Variants in LPP observed in about 807,000 individuals in gnomAD.
LPP encodes the protein LIM domain containing preferred translocation partner in lipoma, also known as lipoma-preferred partner.
In LPP, 38 loss-of-function variants were observed where a neutral mutation model predicts 60.4. The observed-to-expected ratio is 0.63, with a 90% CI of 0.49 to 0.83. LPP has a LOEUF of 0.83. Ranked by LOEUF, LPP falls within the 40% of genes least tolerant of loss-of-function variation. The probability of loss-of-function intolerance (pLI) is 0.00; values close to 1 mark genes in which losing one functional copy is unlikely to be tolerated. For synonymous variants in LPP, 328 were observed against 290.8 expected, an observed-to-expected ratio of 1.13 and a Z score of -1.30; for missense variants, 902 against 783.6, an observed-to-expected ratio of 1.15 and a Z score of -1.80.
intron 3 of LPP, among the ~76,000 whole-genome samples, chr3:188,374,062 C>T (rs1476056694): frequency 6.6e-6 from 1 of 151,966 alleles, no homozygotes; most frequent in East Asian, 1.9e-4. Flanking sequence ...GTTCCATTGG[C>T]CTATATCTCT....
At chr3:188,667,604 T>C (rs1408895651) in intron 7 of LPP, among the ~76,000 whole-genome samples, 1 of 150,876 alleles carries the variant, frequency 6.6e-6, no homozygotes, top group African/African-American at 2.4e-5. Flanking sequence ...GGCTTAGAAA[T>C]GCTATGAAGC....
At chr3:188,570,344 C>A (rs544246815) in intron 6 of LPP, among the ~76,000 whole-genome samples, 2 of 152,094 alleles carry the variant, frequency 1.3e-5, no homozygotes, top group South Asian at 4.1e-4. Flanking sequence ...CTTCTCTCTC[C>A]TGGAAGTCAT....
chr3:188,592,345 C>T (rs897136832), intron 6 of LPP, among the ~76,000 whole-genome samples: 2 of 151,720 alleles, frequency 1.3e-5, no homozygotes, highest in South Asian at 2.1e-4. Flanking sequence ...AAAACACACA[C>T]GCACACAGTC....
rs150135689 is a variant in LPP, at chr3:188,876,298, G to A, written c.*1819G>A. 7 of 189,538 alleles carry A rather than the reference G, an allele frequency of 3.7e-5. No individual in the cohort carries two copies. Among genetic ancestry groups the A allele is most frequent in the East Asian group, 2.5e-4 (3 of 11,770 alleles). 11.7% of individuals were successfully genotyped at this position (189,538 alleles called of 1,614,324 possible). A position where few individuals can be genotyped will look rare whatever the true frequency, so the allele number is the denominator to read the frequency against. On this transcript the variant is annotated 3_prime_UTR_variant, in exon 12 of 12. Transcript: ENST00000617246. Reference sequence around the variant, plus strand: ...TTTTGTGACTAGAAATTCTTAAGCCGATGGTCACTATAGCTCATCCTTAAT... The same window carrying A: ...TTTTGTGACTAGAAATTCTTAAGCCAATGGTCACTATAGCTCATCCTTAAT...
intron 10 of LPP, among the ~76,000 whole-genome samples, chr3:188,867,420 C>T (rs961147460): frequency 6.6e-6 from 1 of 151,876 alleles, no homozygotes; most frequent in Non-Finnish European, 1.5e-5. Context: ...TCTCAGCTCA[C>T]TGCAACCTCT....
intron 4 of LPP, among the ~76,000 whole-genome samples, chr3:188,477,064 T>C (rs1233994679): frequency 6.6e-6 from 1 of 152,198 alleles, no homozygotes. Context: ...AGGTCTGTGA[T>C]CCCACTGACA....
chr3:188,866,911 T>C (rs979298765), intron 10 of LPP, among the ~76,000 whole-genome samples: 3 of 152,226 alleles, frequency 2.0e-5, no homozygotes, highest in Non-Finnish European at 2.9e-5. Context: ...GCCTCTCACA[T>C]ATTCAAAGGC....
At chr3:188,846,776 G>A (rs1761548707) in intron 9 of LPP, among the ~76,000 whole-genome samples, 1 of 152,062 alleles carries the variant, frequency 6.6e-6, no homozygotes, top group South Asian at 2.1e-4. Context: ...GGTACCATAG[G>A]GGAATGACTG....
At chr3:188,311,042 T>C (rs1282292194) in intron 2 of LPP, among the ~76,000 whole-genome samples, 1 of 152,202 alleles carries the variant, frequency 6.6e-6, no homozygotes, top group African/African-American at 2.4e-5. Context: ...AAGTCGAAGA[T>C]ATTAAGCAGC....
intron 6 of LPP, among the ~76,000 whole-genome samples, chr3:188,525,291 A>G (rs567648396): frequency 6.6e-6 from 1 of 152,136 alleles, no homozygotes; most frequent in African/African-American, 2.4e-5. Context: ...ATCTTCTTAG[A>G]GTCAATGATT....
intron 2 of LPP, among the ~76,000 whole-genome samples, chr3:188,233,626 C>T (rs1720853278): frequency 6.6e-6 from 1 of 152,092 alleles, no homozygotes; most frequent in Non-Finnish European, 1.5e-5. Flanking sequence ...GACATGAAAA[C>T]AAAATAGGTT....
At chr3:188,371,641 A>ATATATATATTTTTT (rs1553878071) in intron 3 of LPP, among the ~76,000 whole-genome samples, 2 of 32,170 alleles carry the variant, frequency 6.2e-5, no homozygotes, top group Non-Finnish European at 1.0e-4. Context: ...ATATATATAT[A>ATATATATATTTTTT]TTTTTTTTTT....
chr3:188,421,604 T>C (rs1787820892), intron 4 of LPP, among the ~76,000 whole-genome samples: 2 of 152,194 alleles, frequency 1.3e-5, no homozygotes, highest in Non-Finnish European at 2.9e-5. Flanking sequence ...TATATAATGA[T>C]AGTAATGGTA....
At chr3:188,429,271 G>A (rs1160118480) in intron 4 of LPP, among the ~76,000 whole-genome samples, 2 of 152,066 alleles carry the variant, frequency 1.3e-5, no homozygotes, top group Non-Finnish European at 2.9e-5. Context: ...CAATACTTTA[G>A]AAATGATAGT....
chr3:188,487,818 C>T (rs537686971), intron 5 of LPP, among the ~76,000 whole-genome samples: 18 of 152,214 alleles, frequency 1.2e-4, no homozygotes, highest in African/African-American at 4.3e-4. Context: ...CAAATTATAG[C>T]TGGTAAATGT....
At chr3:188,200,806 A>AAT (rs1417131915) in intron 1 of LPP, among the ~76,000 whole-genome samples, 2 of 152,196 alleles carry the variant, frequency 1.3e-5, no homozygotes, top group African/African-American at 2.4e-5. Flanking sequence ...CAGCCAAGAG[A>AAT]ATATATCTAC....
chr3:188,376,079 A>G (rs1361216224), intron 3 of LPP, among the ~76,000 whole-genome samples: 2 of 152,156 alleles, frequency 1.3e-5, no homozygotes, highest in South Asian at 2.1e-4. Flanking sequence ...ACAGTTTGTT[A>G]TAATTTCTGT....
intron 7 of LPP, among the ~76,000 whole-genome samples, chr3:188,702,449 G>T (rs1577097346): frequency 6.7e-6 from 1 of 150,152 alleles, no homozygotes; most frequent in East Asian, 2.0e-4. Flanking sequence ...ATTCATACCT[G>T]TGTTTTAGAG....
intron 4 of LPP, among the ~76,000 whole-genome samples, chr3:188,468,758 G>A (rs187025622): frequency 1.3e-5 from 2 of 152,236 alleles, no homozygotes; most frequent in Non-Finnish European, 2.9e-5. Context: ...CCAAAGCTGA[G>A]CTCGCTGAAC....
Sources: gnomAD v4.1 joint callset for allele counts (sites outside exome capture counted in the v4.1 genomes callset) on GRCh38, gnomAD v4.1.1 for gene constraint, MANE v1.5 for transcripts, NCBI Gene and HGNC (gene_info 2026-07-23, HGNC 2026-07-21) for gene names.